ZFHX3: variants seen among roughly 807,000 people sequenced by gnomAD.
The protein encoded by ZFHX3 is zinc finger homeobox protein 3.
A neutral mutation model predicts 279.1 loss-of-function variants in ZFHX3; 42 were observed. That is an observed-to-expected ratio of 0.15 (90% CI 0.12 to 0.19). ZFHX3 has a LOEUF of 0.19. Ranked by LOEUF, ZFHX3 falls within the 10% of genes least tolerant of loss-of-function variation. ZFHX3 has a pLI of 1.00. For synonymous variants in ZFHX3, 2,293 were observed against 1,957.8 expected (o/e 1.17, Z -4.52); for missense variants, 4,981 against 4,754.0 (o/e 1.05, Z -1.40).
chr16:73,112,915 G>T (rs921195725), intron 7 of ZFHX3, among the ~76,000 whole-genome samples: 3 of 151,870 alleles, frequency 2.0e-5, no homozygotes, highest in African/African-American at 7.3e-5. Context: ...AGCCAGGCCC[G>T]CCCTGGAGTT....
At chr16:73,542,856 G>A (rs980806942) in intron 2 of ZFHX3, among the ~76,000 whole-genome samples, 3 of 149,384 alleles carry the variant, frequency 2.0e-5, no homozygotes, top group Admixed American at 6.6e-5. Context: ...CCTTCAGAGC[G>A]TGTGTGTGTG....
At chr16:73,478,436 T>A (rs1258467861) in intron 2 of ZFHX3, among the ~76,000 whole-genome samples, 1 of 152,080 alleles carries the variant, frequency 6.6e-6, no homozygotes, top group Admixed American at 6.6e-5. Flanking sequence ...TAACAGCACT[T>A]TGTTAAAAAT....
chr16:73,786,989 G>A (rs778690134), intron 1 of ZFHX3, among the ~76,000 whole-genome samples: 5 of 152,112 alleles, frequency 3.3e-5, no homozygotes, highest in Non-Finnish European at 7.3e-5. Context: ...CACTAAATCA[G>A]TTACCATCAG....
At chr16:72,901,259 A>G (rs1185227795) in intron 3 of ZFHX3, among the ~76,000 whole-genome samples, 1 of 152,212 alleles carries the variant, frequency 6.6e-6, no homozygotes, top group Non-Finnish European at 1.5e-5. Context: ...CCGAGCCTAC[A>G]GAAGAATTTC....
intron 4 of ZFHX3, among the ~76,000 whole-genome samples, chr16:73,298,288 G>A (rs980671428): frequency 2.6e-5 from 4 of 151,002 alleles, no homozygotes; most frequent in Non-Finnish European, 5.9e-5. Flanking sequence ...AGGTTCAAGC[G>A]ATTCTCCTGC....
In ZFHX3 at chr16:72,852,120, C is replaced by T. The variant is rs147600990; in HGVS notation, c.3449-22261G>A. 3.0e-3 allele frequency among the ~76,000 whole-genome samples: 452 copies of T among 152,274 alleles called. 4 individuals carry two copies. Among genetic ancestry groups the T allele is most frequent in the Admixed American group, 0.025 (376 of 15,302 alleles). On this transcript the variant is annotated intron_variant, in intron 4 of 9. Coordinates refer to ENST00000268489, the MANE Select transcript of ZFHX3 (RefSeq NM_006885.4). ...TCTAAAACAAAATATAGAAACAAAA[C>T]AGAAGCTTAGTTGATACTATTTAAC...
At chr16:73,220,130 C>T (rs1045843228) in intron 5 of ZFHX3, among the ~76,000 whole-genome samples, 4 of 151,550 alleles carry the variant, frequency 2.6e-5, no homozygotes, top group Admixed American at 2.0e-4. Context: ...AAGAAAAATA[C>T]GTTTGGGCAT....
intron 1 of ZFHX3, among the ~76,000 whole-genome samples, chr16:72,960,869 G>A (rs537635510): frequency 9.9e-5 from 15 of 152,094 alleles, no homozygotes; most frequent in Non-Finnish European, 1.9e-4. Context: ...TCTGGGAGGC[G>A]TCAGTCCCAT....
intron 1 of ZFHX3, among the ~76,000 whole-genome samples, chr16:73,785,160 A>C (rs1001427442): frequency 6.6e-6 from 1 of 152,204 alleles, no homozygotes; most frequent in Non-Finnish European, 1.5e-5. Context: ...TTTTAGTTAC[A>C]ATACTATTTG....
rs375714543 is a variant in ZFHX3 at position 73,580,746 on chromosome 16, T to C, written c.-1547+99434A>G. On this transcript the variant is annotated intron_variant, in intron 2 of 17. Transcript: ENST00000641206. ...TGTCAAGCACTCCCCTGCCATCTTT[T>C]ATTTGAAGGTCACTGGGCTTAATGT... Among the ~76,000 whole-genome samples, 38 of 151,988 alleles carry C rather than the reference T, an allele frequency of 2.5e-4. No homozygotes were observed. The East Asian group carries it at 7.3e-3, about 29-fold the overall frequency.
chr16:72,854,673 A>C (rs986975797), intron 4 of ZFHX3, among the ~76,000 whole-genome samples: 6 of 152,254 alleles, frequency 3.9e-5, no homozygotes, highest in Admixed American at 3.9e-4. Context: ...GCAAGATTGG[A>C]TAGGCCAATT....
chr16:73,148,050 A>G (rs992224793), intron 5 of ZFHX3, among the ~76,000 whole-genome samples: 1 of 152,234 alleles, frequency 6.6e-6, no homozygotes, highest in Non-Finnish European at 1.5e-5. Flanking sequence ...TTAGCAAGCT[A>G]TGGCTGGCAG....
intron 8 of ZFHX3, chr16:73,093,022 T>G (rs1385438940): frequency 1.9e-6 from 1 of 520,118 alleles, no homozygotes; most frequent in South Asian, 1.4e-5. Flanking sequence ...GGCCCTTGTT[T>G]TCTTCCATCC....
intron 3 of ZFHX3, among the ~76,000 whole-genome samples, chr16:73,413,751 T>C (rs142698712): frequency 7.4e-4 from 113 of 152,324 alleles, no homozygotes; most frequent in Admixed American, 2.6e-3. Flanking sequence ...AGGGGCATTG[T>C]TCATGTTATG....
chr16:73,005,201 A>T (rs973997976), intron 1 of ZFHX3, among the ~76,000 whole-genome samples: 1 of 152,244 alleles, frequency 6.6e-6, no homozygotes, highest in African/African-American at 2.4e-5. Flanking sequence ...AAATAAGTTC[A>T]TATAAAGTCT....
At position 73,059,524 on chromosome 16, in the gene ZFHX3, T is replaced by TTCTCTCCC. The variant is rs1555546370; in HGVS notation, c.-1019_-1018insGGGAGAGA. The TTCTCTCCC allele has an allele frequency of 2.9e-5, 3 of 103,252 alleles. No individual in the cohort carries two copies. The East Asian group carries it at 1.2e-3, about 42-fold the overall frequency. The allele number at this position is 103,252 out of a possible 1,614,324, so 6.4% of individuals were successfully genotyped here. On this transcript the variant is annotated 5_prime_UTR_variant, in exon 1 of 9. Coordinates refer to the ZFHX3 transcript ENST00000397992. ...CTTTTCTTTCTTATTATTTTCCCCTTTCTCTCTCTCTCTCTCTCTCTCTCT... is the reference window on the plus strand; with the variant it reads ...CTTTTCTTTCTTATTATTTTCCCCTTTCTCTCCCTCTCTCTCTCTCTCTCTCTCTCTCT...
chr16:73,095,402 T>C (rs1214908167), intron 7 of ZFHX3, among the ~76,000 whole-genome samples: 1 of 152,154 alleles, frequency 6.6e-6, no homozygotes. Flanking sequence ...GCTGGGCTAA[T>C]TAAGCAGACT....
At chr16:72,993,264 G>A (rs925209404) in intron 1 of ZFHX3, among the ~76,000 whole-genome samples, 6 of 152,174 alleles carry the variant, frequency 3.9e-5, no homozygotes, top group Non-Finnish European at 8.8e-5. Context: ...CCTCACCCAA[G>A]CACCCTGTAT....
In ZFHX3 at chr16:72,788,586, C is replaced by T. The variant is rs2035560912; in HGVS notation, c.9690G>A (p.Gln3230=). 2 of 1,613,624 alleles carry T rather than the reference C, an allele frequency of 1.2e-6. No homozygotes were observed. The highest frequency in any genetic ancestry group is 4.5e-5 in the East Asian group (2 of 44,604). Residue 3230 remains glutamine, a synonymous_variant, in exon 10 of 10, where the codon CAG becomes CAA. Transcript: ENST00000268489. The part of the protein sequence containing the change: ...PTPQLPLQQQ[Q]QRKDKDSEKV... ...TCTCACTGTCTTTGTCCTTGCGTTGCTGCTGCTGTTGCAGTGGGAGCTGTG... is the reference window on the plus strand; with the variant it reads ...TCTCACTGTCTTTGTCCTTGCGTTGTTGCTGCTGTTGCAGTGGGAGCTGTG...
Sources: allele counts gnomAD v4.1 joint callset (sites outside exome capture counted in the v4.1 genomes callset), GRCh38; gene constraint gnomAD v4.1.1; transcripts MANE v1.5; gene names NCBI Gene and HGNC (gene_info 2026-07-23, HGNC 2026-07-21).